KDR: variants seen among roughly 807,000 people sequenced by gnomAD.
KDR encodes the protein kinase insert domain receptor.
Under a neutral mutation model 160.9 loss-of-function variants are expected in KDR, and 43 were observed. That is an observed-to-expected ratio of 0.27 (90% CI 0.21 to 0.34). The LOEUF (loss-of-function observed/expected upper bound fraction) is 0.34. KDR is among the 10% of genes least tolerant of loss of function. KDR has a pLI of 1.00. For synonymous variants in KDR, 617 were observed against 600.1 expected (o/e 1.03, Z -0.41); for missense variants, 1,469 against 1,666.4 (o/e 0.88, Z 2.06).
At chr4:55,082,145 G>A in intron 28 of KDR, 104 bp from the exon 29 acceptor site, 1 of 882,610 alleles carries the variant, frequency 1.1e-6, no homozygotes, top group Non-Finnish European at 1.9e-6. Flanking sequence ...TATCAAATAA[G>A]GTCCTGTGGA....
rs2110030146 is a variant in KDR at position 55,113,311 on chromosome 4, C to T, written c.969G>A (p.Arg323=). 1 of 1,613,928 alleles carries T rather than the reference C, an allele frequency of 6.2e-7. No homozygotes were observed. Among genetic ancestry groups the T allele is most frequent in the Non-Finnish European group, 8.5e-7 (1 of 1,179,874 alleles). The change falls in exon 7 of 30, where the codon AGG becomes AGA. Residue 323 remains arginine, a synonymous_variant. Transcript: ENST00000263923. ...TCCAAGACCATAGCTTACCATGGAC[C>T]CTGACAAATGTGCTGTTCTTCTTGG... ...LMTKKNSTFV[R]VHEKPFVAFG...
At chr4:55,123,973 T>C (rs759881410) in intron 1 of KDR, among the ~76,000 whole-genome samples, 2 of 152,228 alleles carry the variant, frequency 1.3e-5, no homozygotes, top group Non-Finnish European at 1.5e-5. Flanking sequence ...ACTCACTTCT[T>C]TGTGGAATAC....
intron 14 of KDR, 37 bp downstream of exon 14, chr4:55,102,325 T>C: frequency 6.2e-7 from 1 of 1,606,652 alleles, no homozygotes; most frequent in Non-Finnish European, 8.5e-7. Flanking sequence ...CCTGGGAAAG[T>C]TCTGCAACCC....
chr4:55,092,007 AC>A (rs1403585381), intron 22 of KDR, among the ~76,000 whole-genome samples: 1 of 152,146 alleles, frequency 6.6e-6, no homozygotes, highest in African/African-American at 2.4e-5. Flanking sequence ...CCTAACAAAT[AC>A]TTTTTGATGG....
chr4:55,102,566 G>T (rs1578133843), intron 13 of KDR, 58 bp from the exon 14 acceptor site: 6 of 1,587,122 alleles, frequency 3.8e-6, no homozygotes, highest in African/African-American at 1.3e-5. Flanking sequence ...AAATGGTTCT[G>T]GTATCAGCAA....
intron 26 of KDR, 127 bp downstream of exon 26, chr4:55,088,741 G>T: frequency 1.4e-6 from 1 of 724,374 alleles, no homozygotes; most frequent in Non-Finnish European, 2.5e-6. Context: ...CTCAGATGTA[G>T]AAGAATACAG....
chr4:55,087,908 A>G, intron 26 of KDR, 150 bp from the exon 27 acceptor site: 2 of 765,972 alleles, frequency 2.6e-6, no homozygotes, highest in East Asian at 5.1e-5. Context: ...AATACAAATC[A>G]TGTGTCAGAA....
intron 7 of KDR, among the ~76,000 whole-genome samples, chr4:55,112,659 G>T (rs910765608): frequency 2.6e-5 from 4 of 151,656 alleles, no homozygotes; most frequent in Non-Finnish European, 5.9e-5. Flanking sequence ...CTCCTGAGTA[G>T]CTGGGATTAC....
chr4:55,120,981 A>T lies in KDR; in HGVS notation c.161+116T>A. ...TACATCAGTTCTTAGAAACCTCACC[A>T]CTTATGAACAATTACTACAAGCTCT... On this transcript the variant is annotated intron_variant, in intron 2 of 29. Transcript: ENST00000263923. The T allele has an allele frequency of 4.3e-6, 3 of 693,648 alleles. No individual in the cohort carries two copies. In the South Asian group the frequency reaches 5.5e-5, roughly 13 times the overall value. 43.0% of individuals were successfully genotyped at this position (693,648 alleles called of 1,614,324 possible).
At chr4:55,105,420 G>T (rs1462284315) in intron 12 of KDR, among the ~76,000 whole-genome samples, 2 of 152,110 alleles carry the variant, frequency 1.3e-5, no homozygotes, top group African/African-American at 4.8e-5. Context: ...AGATGCACAG[G>T]CAAAATCGGC....
At chr4:55,113,223 T>C (rs1405264974) in intron 7 of KDR, 81 bp downstream of exon 7, 3 of 1,418,588 alleles carry the variant, frequency 2.1e-6, no homozygotes, top group African/African-American at 2.8e-5. Flanking sequence ...ATGAACAAAA[T>C]AGGAATCACT....
intron 29 of KDR, among the ~76,000 whole-genome samples, chr4:55,081,333 T>C (rs1719731687): frequency 6.6e-6 from 1 of 152,124 alleles, no homozygotes; most frequent in Non-Finnish European, 1.5e-5. Flanking sequence ...CTCCAGCAAA[T>C]ACATAACTAC....
chr4:55,102,127 T>C (rs1720327332), intron 14 of KDR, 99 bp from the exon 15 acceptor site: 10 of 1,519,510 alleles, frequency 6.6e-6, no homozygotes, highest in Non-Finnish European at 9.1e-6. Context: ...CTTCATCTTG[T>C]TCTATTATCT....
intron 15 of KDR, among the ~76,000 whole-genome samples, chr4:55,099,115 A>G (rs188896756): frequency 3.3e-5 from 5 of 152,012 alleles, no homozygotes; most frequent in African/African-American, 1.2e-4. Context: ...TCCTAGGCTC[A>G]AGCGATTCTC....
chr4:55,125,484 G>A lies in KDR; in HGVS notation c.-191C>T, dbSNP rs1418865465. 1 of 644,678 alleles carries A rather than the reference G, an allele frequency of 1.6e-6. No homozygotes were observed. Among genetic ancestry groups the A allele is most frequent in the Non-Finnish European group, 2.7e-6 (1 of 371,778 alleles). 39.9% of individuals were successfully genotyped at this position (644,678 alleles called of 1,614,324 possible). The stretch of plus-strand genomic sequence containing the variant: ...GCGTCTGCGGGTGCCGGTAGGAGAG[G>A]ATATCCAGGCTGCCAGACGGACTTT... On this transcript the variant is annotated 5_prime_UTR_variant, in exon 1 of 30. Coordinates refer to ENST00000263923, the MANE Select transcript of KDR (RefSeq NM_002253.4).
At chr4:55,082,301 C>T (rs1416766604) in intron 28 of KDR, among the ~76,000 whole-genome samples, 2 of 152,182 alleles carry the variant, frequency 1.3e-5, no homozygotes, top group Non-Finnish European at 2.9e-5. Context: ...TTCACTATGA[C>T]ACTACTTGCA....
rs1031416918 is a variant in KDR, at chr4:55,118,626, C to G, written c.336G>C (p.Ser112=). 18 of 1,613,832 alleles carry G rather than the reference C, an allele frequency of 1.1e-5. No individual in the cohort carries two copies. The highest frequency in any genetic ancestry group is 1.1e-5 in the Non-Finnish European group (13 of 1,179,920). ...TACCTTGAACATAGACATAAATGAC[C>G]GAGGCCAAGTCAGTTTCCCGGTAGA... The part of the protein sequence containing the change: ...KCFYRETDLA[S]VIYVYVQDYR... The change falls in exon 3 of 30, where the codon TCG becomes TCC. Residue 112 remains serine (S), a synonymous_variant. Transcript: ENST00000263923.
chr4:55,084,891 C>G (rs78387733), intron 27 of KDR, among the ~76,000 whole-genome samples: 2 of 152,136 alleles, frequency 1.3e-5, no homozygotes, highest in African/African-American at 4.8e-5. Context: ...ATGAAACAGA[C>G]AAAAAGTGCA....
chr4:55,118,316 T>A (rs541607410), intron 3 of KDR, among the ~76,000 whole-genome samples: 118 of 152,240 alleles, frequency 7.8e-4, no homozygotes, highest in Non-Finnish European at 1.3e-3. Flanking sequence ...TTCTCAAACA[T>A]AGGAAGACTT....
Sources: allele counts gnomAD v4.1 joint callset (sites outside exome capture counted in the v4.1 genomes callset), GRCh38; gene constraint gnomAD v4.1.1; transcripts MANE v1.5; gene names NCBI Gene and HGNC (gene_info 2026-07-23, HGNC 2026-07-21).